CUBN: variants seen among roughly 807,000 people sequenced by gnomAD.
CUBN encodes the protein 460 kDa receptor.
Under a neutral mutation model 405.3 loss-of-function variants are expected in CUBN, and 282 were observed. That is an observed-to-expected ratio of 0.70 (90% CI 0.63 to 0.77). The LOEUF (loss-of-function observed/expected upper bound fraction) is 0.77, where lower values mean the gene tolerates loss of function less well. Among genes scored for constraint, CUBN ranks in the 30% least tolerant of loss-of-function variants. CUBN has a pLI of 0.00. For synonymous variants in CUBN, 1,684 were observed against 1,617.0 expected, an observed-to-expected ratio of 1.04 and a Z score of -0.99; for missense variants, 4,514 against 4,475.2, an observed-to-expected ratio of 1.01 and a Z score of -0.25.
At chr10:17,030,122 C>A (rs1834757682) in intron 27 of CUBN, among the ~76,000 whole-genome samples, 1 of 152,194 alleles carries the variant, frequency 6.6e-6, no homozygotes, top group South Asian at 2.1e-4. Context: ...CCCATCACCC[C>A]CCAGTGGTAC....
At chr10:16,951,268 T>A (rs1422595653) in intron 33 of CUBN, among the ~76,000 whole-genome samples, 1 of 152,192 alleles carries the variant, frequency 6.6e-6, no homozygotes, top group Non-Finnish European at 1.5e-5. Context: ...TGGCTAAGGA[T>A]GACATCATCG....
At chr10:17,076,200 A>C (rs1395547410) in intron 17 of CUBN, among the ~76,000 whole-genome samples, 1 of 152,150 alleles carries the variant, frequency 6.6e-6, no homozygotes, top group African/African-American at 2.4e-5. Context: ...AGGCAGCTGT[A>C]GTCCAAATGT....
intron 28 of CUBN, among the ~76,000 whole-genome samples, chr10:17,006,399 C>A (rs971524830): frequency 1.3e-5 from 2 of 152,202 alleles, no homozygotes; most frequent in African/African-American, 4.8e-5. Flanking sequence ...AAGGCATTTT[C>A]TCTCACACAA....
At chr10:16,989,571 T>C (rs567312252) in intron 29 of CUBN, among the ~76,000 whole-genome samples, 2 of 94,156 alleles carry the variant, frequency 2.1e-5, no homozygotes, top group Admixed American at 1.2e-4. Context: ...TAAAGCTATA[T>C]ATTTAAAATA....
chr10:16,872,397 C>G (rs1462398232), intron 58 of CUBN, among the ~76,000 whole-genome samples: 1 of 149,138 alleles, frequency 6.7e-6, no homozygotes, highest in East Asian at 1.9e-4. Context: ...GAATATATAA[C>G]ATACCTCTAT....
At chr10:17,087,478 T>TTTTTTTC (rs1554818137) in intron 15 of CUBN, among the ~76,000 whole-genome samples, 1 of 97,054 alleles carries the variant, frequency 1.0e-5, no homozygotes, top group East Asian at 2.8e-4. Context: ...TTTTCTTTTT[T>TTTTTTTC]TTTTTTTTTT....
At chr10:16,865,791 G>T (rs548080015) in intron 59 of CUBN, among the ~76,000 whole-genome samples, 5 of 152,114 alleles carry the variant, frequency 3.3e-5, no homozygotes, top group African/African-American at 1.2e-4. Flanking sequence ...CAACCTGCTC[G>T]GGTACCCTTC....
chr10:16,861,944 T>C (rs888508560), intron 59 of CUBN, among the ~76,000 whole-genome samples: 3 of 151,840 alleles, frequency 2.0e-5, no homozygotes, highest in Non-Finnish European at 2.9e-5. Flanking sequence ...AGGTCAGGAG[T>C]TCGAGACCAG....
In CUBN at chr10:17,057,380, C is replaced by T. The variant is rs189640749; in HGVS notation, c.3139+8128G>A. On this transcript the variant is annotated intron_variant, in intron 22 of 66. Transcript: ENST00000377833. ...TCATGGCAATGGCACACTGTCATGG[C>T]GCTGTTGGGCATGTCTTATGCAGAG... 7.9e-5 allele frequency among the ~76,000 whole-genome samples: 12 copies of T among 152,152 alleles called. No homozygotes were observed. The East Asian group carries it at 1.2e-3, about 15-fold the overall frequency.
intron 6 of CUBN, among the ~76,000 whole-genome samples, chr10:17,119,800 A>G (rs888559863): frequency 2.0e-5 from 3 of 152,232 alleles, no homozygotes; most frequent in East Asian, 1.9e-4. Flanking sequence ...ACCTCAAGCC[A>G]AAAGAATCAG....
In CUBN at chr10:16,903,996, T is replaced by G. The variant is rs1420549553; in HGVS notation, c.8032A>C (p.Ile2678Leu). ...HFVTNERVEH[I>L]GFHAKYSFTD... is the part of the protein sequence containing the mutation. The stretch of plus-strand genomic sequence containing the variant: ...AAGGAATACTTTGCATGGAATCCAA[T>G]GTGTTCTACACGTTCGTTGGTGACA... Residue 2678 changes from isoleucine (I) to leucine (L), a missense_variant, in exon 51 of 67, where the codon ATT (isoleucine) becomes CTT (leucine). Around this residue, in one of 5 missense-constraint regions of CUBN, gnomAD observed 1,186 missense variants for 1,186.9 expected, o/e 1.00. Coordinates refer to ENST00000377833, the MANE Select transcript of CUBN (RefSeq NM_001081.4). 6 of 1,612,332 alleles carry G rather than the reference T, an allele frequency of 3.7e-6. No homozygotes were observed. Among genetic ancestry groups the G allele is most frequent in the Non-Finnish European group, 5.1e-6 (6 of 1,178,688 alleles).
At chr10:16,884,766 A>T (rs1014149664) in intron 56 of CUBN, among the ~76,000 whole-genome samples, 10 of 152,188 alleles carry the variant, frequency 6.6e-5, no homozygotes, top group African/African-American at 2.4e-4. Flanking sequence ...ATATAGGGAC[A>T]AGTGTGTTTC....
chr10:16,864,121 AG>A (rs1013843815), intron 59 of CUBN, among the ~76,000 whole-genome samples: 3 of 152,234 alleles, frequency 2.0e-5, no homozygotes, highest in Non-Finnish European at 4.4e-5. Flanking sequence ...ATTTTGAAGT[AG>A]GCACAATTTA....
chr10:16,834,078 T>C (rs1839094083), intron 64 of CUBN, among the ~76,000 whole-genome samples: 1 of 152,192 alleles, frequency 6.6e-6, no homozygotes, highest in Non-Finnish European at 1.5e-5. Context: ...CCTAAGTATA[T>C]TTCCTAAGGA....
Position 17,066,595 on chromosome 10 carries a change from C to T in CUBN, c.3009-957G>A, listed in dbSNP as rs892738810. ...GTGAACTAATTGATATTTTAAATGCCTTCGTATATGCCCATGTATATGAAA... is the reference window on the plus strand; with the variant it reads ...GTGAACTAATTGATATTTTAAATGCTTTCGTATATGCCCATGTATATGAAA... On this transcript the variant is annotated intron_variant, in intron 21 of 66. Transcript: ENST00000377833. Among the ~76,000 whole-genome samples, 3 of 151,936 alleles carry T rather than the reference C, an allele frequency of 2.0e-5. No individual in the cohort carries two copies. In the South Asian group the frequency reaches 6.2e-4, roughly 31 times the overall value.
Position 17,068,106 on chromosome 10 carries a change from T to C in CUBN, c.2966A>G (p.Tyr989Cys), listed in dbSNP as rs1835653268. 10 of 1,613,496 alleles carry C rather than the reference T, an allele frequency of 6.2e-6. No homozygotes were observed. The highest frequency in any genetic ancestry group is 1.7e-5 in the Admixed American group (1 of 59,984). The change falls in exon 21 of 67, where the codon TAC becomes TGC. Residue 989 changes from tyrosine (Y) to cysteine (C), a missense_variant. By Grantham distance (194) the Tyr-to-Cys change is radical. Around this residue, in one of 5 missense-constraint regions of CUBN, gnomAD observed 1,448 missense variants for 1,388.0 expected, o/e 1.04. Transcript: ENST00000377833. The part of the protein sequence containing the change: ...LEFHYNCTND[Y>C]LEVYDTDSET... Reference sequence around the variant, plus strand: ...AGAGTCGGTGTCATAAACTTCCAAGTAGTCGTTTGTGCAATTGTAATGAAA... The same window carrying C: ...AGAGTCGGTGTCATAAACTTCCAAGCAGTCGTTTGTGCAATTGTAATGAAA...
intron 27 of CUBN, among the ~76,000 whole-genome samples, chr10:17,026,032 TC>T (rs1834654368): frequency 1.3e-5 from 2 of 152,090 alleles, no homozygotes. Flanking sequence ...CAGCATCTCT[TC>T]CTGTTGCAGC....
At chr10:17,097,801 TTTA>T (rs1467562730) in intron 14 of CUBN, among the ~76,000 whole-genome samples, 2 of 152,128 alleles carry the variant, frequency 1.3e-5, no homozygotes, top group Non-Finnish European at 2.9e-5. Flanking sequence ...GAAAAAGTAT[TTTA>T]TATGTTTCAA....
At chr10:16,955,606 G>A (rs1305100475) in intron 31 of CUBN, among the ~76,000 whole-genome samples, 2 of 152,092 alleles carry the variant, frequency 1.3e-5, no homozygotes, top group African/African-American at 2.4e-5. Context: ...ATACTCTTAT[G>A]TGTAAATCAG....
Sources: gnomAD v4.1 joint callset for allele counts (sites outside exome capture counted in the v4.1 genomes callset) on GRCh38, gnomAD v4.1.1 for gene constraint, gnomAD v4.1.1 regional missense constraint, MANE v1.5 for transcripts, NCBI Gene and HGNC (gene_info 2026-07-23, HGNC 2026-07-21) for gene names.